HMCN1: variants seen among roughly 807,000 people sequenced by gnomAD.
The protein encoded by HMCN1 is hemicentin-1.
A neutral mutation model predicts 625.9 loss-of-function variants in HMCN1; 321 were observed. That is an observed-to-expected ratio of 0.51 (90% CI 0.47 to 0.56). The LOEUF (loss-of-function observed/expected upper bound fraction) is 0.56. Ranked by LOEUF, HMCN1 falls within the 20% of genes least tolerant of loss-of-function variation. The pLI is 0.00. For synonymous variants in HMCN1, 2,425 were observed against 2,417.6 expected (o/e 1.00, Z -0.09); for missense variants, 6,588 against 6,887.3 (o/e 0.96, Z 1.54).
chr1:185,979,586 G>A (rs748613505), intron 16 of HMCN1, among the ~76,000 whole-genome samples: 15 of 152,142 alleles, frequency 9.9e-5, no homozygotes, highest in South Asian at 2.1e-4. Context: ...CCAAGAATTC[G>A]TAATATGAAA....
chr1:185,951,546 G>A (rs1477224129), intron 11 of HMCN1, among the ~76,000 whole-genome samples: 2 of 150,392 alleles, frequency 1.3e-5, no homozygotes, highest in Non-Finnish European at 3.0e-5. Context: ...TGAGGCGATC[G>A]GGCAGTGTCA....
chr1:185,850,787 C>T (rs548861606), intron 2 of HMCN1, among the ~76,000 whole-genome samples: 50 of 150,958 alleles, frequency 3.3e-4, no homozygotes, highest in South Asian at 1.5e-3. Flanking sequence ...TTTTTTTTCT[C>T]CCCTTTTCTG....
chr1:186,005,245 G>A (rs1484724407), intron 29 of HMCN1, among the ~76,000 whole-genome samples: 1 of 138,008 alleles, frequency 7.2e-6, no homozygotes, highest in African/African-American at 2.7e-5. Flanking sequence ...GTTTATAAAC[G>A]TTTATAAACA....
chr1:185,956,265 T>G (rs1649625494), intron 11 of HMCN1, among the ~76,000 whole-genome samples: 1 of 152,102 alleles, frequency 6.6e-6, no homozygotes, highest in South Asian at 2.1e-4. Flanking sequence ...CCAATTCATT[T>G]CTGAAACTAT....
At chr1:186,166,361 G>C (rs1651880065) in intron 99 of HMCN1, 58 bp downstream of exon 99, 1 of 1,599,958 alleles carries the variant, frequency 6.3e-7, no homozygotes, top group Non-Finnish European at 8.6e-7. Context: ...CTTTGACCTA[G>C]AAAAAGTATG....
At chr1:186,005,036 A>G (rs1036970137) in intron 29 of HMCN1, among the ~76,000 whole-genome samples, 1 of 152,028 alleles carries the variant, frequency 6.6e-6, no homozygotes, top group Non-Finnish European at 1.5e-5. Context: ...AACTTTAGAT[A>G]TCTTTGGGAG....
intron 93 of HMCN1, among the ~76,000 whole-genome samples, chr1:186,149,586 C>T (rs1650546889): frequency 6.6e-6 from 1 of 152,160 alleles, no homozygotes; most frequent in African/African-American, 2.4e-5. Flanking sequence ...TGTGTGTTCA[C>T]TTTTAATTTT....
chr1:185,892,623 G>A (rs1244831574), intron 4 of HMCN1, among the ~76,000 whole-genome samples: 15 of 152,200 alleles, frequency 9.9e-5, no homozygotes, highest in East Asian at 1.9e-4. Flanking sequence ...TAGGCTGCTC[G>A]GGGGTCGGGG....
At chr1:185,989,258 G>A (rs138351906) in intron 20 of HMCN1, among the ~76,000 whole-genome samples, 2,028 of 152,138 alleles carry the variant, frequency 0.013, 53 homozygotes, top group African/African-American at 0.046. Context: ...GCCTCCCAAA[G>A]TGTTGGGATT....
chr1:186,073,403 A>T (rs1045240258), intron 52 of HMCN1, among the ~76,000 whole-genome samples: 3 of 152,208 alleles, frequency 2.0e-5, no homozygotes, highest in Non-Finnish European at 4.4e-5. Context: ...CCACAAGTAT[A>T]GAAAATATTT....
chr1:185,998,244 A>C (rs906761330), intron 25 of HMCN1, among the ~76,000 whole-genome samples: 3 of 151,810 alleles, frequency 2.0e-5, no homozygotes, highest in African/African-American at 7.3e-5. Context: ...TCTTTCCATA[A>C]CCTCCTGAAT....
At chr1:185,992,496 C>T (rs1260427175) in intron 22 of HMCN1, among the ~76,000 whole-genome samples, 2 of 152,136 alleles carry the variant, frequency 1.3e-5, no homozygotes, top group Non-Finnish European at 2.9e-5. Flanking sequence ...TGCCCGACAT[C>T]ACTTTGAATA....
intron 6 of HMCN1, among the ~76,000 whole-genome samples, chr1:185,912,478 T>A (rs1296160601): frequency 6.6e-6 from 1 of 152,156 alleles, no homozygotes; most frequent in Non-Finnish European, 1.5e-5. Context: ...AAATATACAC[T>A]CAAAATTCAA....
At chr1:185,961,472 G>A (rs1224355461) in intron 11 of HMCN1, among the ~76,000 whole-genome samples, 2 of 152,180 alleles carry the variant, frequency 1.3e-5, no homozygotes, top group South Asian at 2.1e-4. Context: ...AAAAGCAGAT[G>A]TCATTGAATG....
chr1:186,031,212 T>G (rs770789443), intron 36 of HMCN1, among the ~76,000 whole-genome samples: 1 of 152,032 alleles, frequency 6.6e-6, no homozygotes, highest in Non-Finnish European at 1.5e-5. Context: ...TTCCTAGAAT[T>G]CATTGCTTTC....
At position 186,172,029 on chromosome 1, in the gene HMCN1, G is replaced by A; in HGVS notation, c.15712G>A (p.Val5238Ile). 1 of 1,613,542 alleles carries A rather than the reference G, an allele frequency of 6.2e-7. No individual in the cohort carries two copies. The highest frequency in any genetic ancestry group is 8.5e-7 in the Non-Finnish European group (1 of 1,179,556). The stretch of plus-strand genomic sequence containing the variant: ...AGATGTGAACGAGTGTAGACAAAAT[G>A]TATGCAGACCAGATCAGCACTGTAA... ...CMDVNECRQN[V>I]CRPDQHCKNT... The change falls in exon 102 of 107, where the codon GTA becomes ATA. Residue 5238 changes from valine to isoleucine, a missense_variant. Around this residue, in one of 3 missense-constraint regions of HMCN1, gnomAD observed 1,954 missense variants for 2,013.1 expected, o/e 0.97. Transcript: ENST00000271588.
chr1:185,976,341 T>C (rs1406092101), intron 15 of HMCN1, among the ~76,000 whole-genome samples: 35 of 152,112 alleles, frequency 2.3e-4, no homozygotes, highest in Admixed American at 2.3e-3. Context: ...GGGATGTTGA[T>C]TGCCCAGGTA....
chr1:185,945,312 T>TACAAACA (rs1668282099), intron 11 of HMCN1, among the ~76,000 whole-genome samples: 1 of 152,212 alleles, frequency 6.6e-6, no homozygotes, highest in Admixed American at 6.5e-5. Context: ...TTTTCCATAA[T>TACAAACA]AACAAAACAA....
chr1:185,846,208 C>T (rs1661803794), intron 2 of HMCN1, 112 bp downstream of exon 2: 2 of 756,042 alleles, frequency 2.6e-6, no homozygotes, highest in Admixed American at 2.1e-5. Flanking sequence ...TTTAAGGGAC[C>T]CAATAATTGC....
Sources: gnomAD v4.1 joint callset for allele counts (sites outside exome capture counted in the v4.1 genomes callset) on GRCh38, gnomAD v4.1.1 for gene constraint, gnomAD v4.1.1 regional missense constraint, MANE v1.5 for transcripts, NCBI Gene and HGNC (gene_info 2026-07-23, HGNC 2026-07-21) for gene names.